Variants in ADAM19 observed in about 807,000 individuals in gnomAD.
ADAM19 encodes ADAM metallopeptidase domain 19.
A neutral mutation model predicts 114.7 loss-of-function variants in ADAM19; 65 were observed. The ratio of observed to expected loss-of-function variants is 0.57; its 90% confidence interval spans 0.46 to 0.70. ADAM19 has a LOEUF of 0.70. Ranked by LOEUF, ADAM19 falls within the 30% of genes least tolerant of loss-of-function variation. The probability of loss-of-function intolerance (pLI) is 0.00; values close to 1 mark genes in which losing one functional copy is unlikely to be tolerated. For synonymous variants in ADAM19, 466 were observed against 460.5 expected, an observed-to-expected ratio of 1.01 and a Z score of -0.15; for missense variants, 1,063 against 1,204.7, an observed-to-expected ratio of 0.88 and a Z score of 1.74.
chr5:157,560,896 G>A (rs932393308), intron 3 of ADAM19, among the ~76,000 whole-genome samples: 2 of 152,204 alleles, frequency 1.3e-5, no homozygotes, highest in Admixed American at 6.5e-5. Context: ...CTTGAGCTTG[G>A]AATACAAACA....
intron 5 of ADAM19, among the ~76,000 whole-genome samples, chr5:157,522,321 G>A (rs1756321117): frequency 6.9e-6 from 1 of 145,484 alleles, no homozygotes; most frequent in East Asian, 1.9e-4. Flanking sequence ...TTAAGTTCCA[G>A]GGTACATGTG....
intron 3 of ADAM19, among the ~76,000 whole-genome samples, chr5:157,547,143 G>A (rs1757071109): frequency 1.3e-5 from 2 of 152,322 alleles, no homozygotes; most frequent in South Asian, 2.1e-4. Flanking sequence ...GCATCCCCAT[G>A]ATGATCCTGC....
Position 157,509,408 on chromosome 5 carries a change from C to T in ADAM19, c.798G>A (p.Gly266=), listed in dbSNP as rs1179773854. 6.2e-7 allele frequency: 1 copy of T among 1,613,378 alleles called. No individual in the cohort carries two copies. Among genetic ancestry groups the T allele is most frequent in the African/African-American group, 1.3e-5 (1 of 75,054 alleles). The change falls in exon 9 of 23, where the codon GGG becomes GGA. Residue 266 remains glycine (G), a synonymous_variant. Coordinates refer to ENST00000257527, the MANE Select transcript of ADAM19 (RefSeq NM_033274.5). ...ALVGLEVWTH[G]NMCEVSENPY... is the part of the protein sequence containing the mutation. ...GATTCTCTGAAACTTCACACATGTTCCCGTGGGTCCACACTTCCAAGCCCA... is the reference window on the plus strand; with the variant it reads ...GATTCTCTGAAACTTCACACATGTTTCCGTGGGTCCACACTTCCAAGCCCA...
At chr5:157,538,658 T>C (rs1417448307) in intron 3 of ADAM19, among the ~76,000 whole-genome samples, 3 of 152,252 alleles carry the variant, frequency 2.0e-5, no homozygotes, top group Non-Finnish European at 4.4e-5. Flanking sequence ...ACTCTTCCAA[T>C]AAATTCCTTT....
intron 5 of ADAM19, among the ~76,000 whole-genome samples, chr5:157,520,330 A>T (rs1396722655): frequency 6.6e-6 from 1 of 151,076 alleles, no homozygotes; most frequent in Non-Finnish European, 1.5e-5. Context: ...TCCAGGTTAA[A>T]AGTCTCTGGA....
chr5:157,549,991 C>T (rs901483348), intron 3 of ADAM19, among the ~76,000 whole-genome samples: 4 of 152,148 alleles, frequency 2.6e-5, no homozygotes, highest in Non-Finnish European at 5.9e-5. Context: ...AGTAGCCAGT[C>T]AAAAAGACCA....
chr5:157,566,484 T>A (rs1429230006), intron 2 of ADAM19: 1 of 152,082 alleles, frequency 6.6e-6, no homozygotes, highest in African/African-American at 2.4e-5. Context: ...TTAATCTCTT[T>A]TTACTTTATT....
intron 12 of ADAM19, 47 bp downstream of exon 12, chr5:157,502,756 C>T: frequency 6.3e-7 from 1 of 1,591,754 alleles, no homozygotes; most frequent in Non-Finnish European, 8.6e-7. Context: ...AGTTTTGAAA[C>T]CAATGCAAAT....
intron 12 of ADAM19, among the ~76,000 whole-genome samples, chr5:157,500,341 C>T (rs1283842536): frequency 2.0e-5 from 3 of 152,176 alleles, no homozygotes; most frequent in Non-Finnish European, 4.4e-5. Context: ...TTTTTCAAGG[C>T]ATTTTCTACA....
At chr5:157,516,944 A>G (rs1283078549) in intron 7 of ADAM19, among the ~76,000 whole-genome samples, 1 of 151,968 alleles carries the variant, frequency 6.6e-6, no homozygotes, top group African/African-American at 2.4e-5. Flanking sequence ...GAACACACAC[A>G]CACACACACA....
intron 21 of ADAM19, among the ~76,000 whole-genome samples, chr5:157,484,462 G>A (rs568183494): frequency 1.3e-5 from 2 of 152,266 alleles, no homozygotes; most frequent in East Asian, 3.9e-4. Context: ...AGCTGTTGGG[G>A]TTTAAGGGGA....
chr5:157,558,775 AG>A (rs1271997600), intron 3 of ADAM19, among the ~76,000 whole-genome samples: 3 of 152,250 alleles, frequency 2.0e-5, no homozygotes, highest in Non-Finnish European at 4.4e-5. Flanking sequence ...TTGAAAAAGA[AG>A]TGCAGGAATA....
chr5:157,480,480 A>C lies in ADAM19; in HGVS notation c.*469T>G, dbSNP rs1754711618. 1 of 991,392 alleles carries C rather than the reference A, an allele frequency of 1.0e-6. No homozygotes were observed. The highest frequency in any genetic ancestry group is 1.1e-4 in the East Asian group (1 of 8,974). The allele number at this position is 991,392 out of a possible 1,614,324, so 61.4% of individuals were successfully genotyped here. A position where few individuals can be genotyped will look rare whatever the true frequency, so the allele number is the denominator to read the frequency against. ...CCCTTCCTTAATCCCTAAAAGCTAA[A>C]AGGGGTGGGTAAGTACCAGCCTCCA... On this transcript the variant is annotated 3_prime_UTR_variant, in exon 23 of 23. Transcript: ENST00000257527.
intron 5 of ADAM19, among the ~76,000 whole-genome samples, chr5:157,529,691 C>G (rs1756571524): frequency 6.6e-6 from 1 of 152,164 alleles, no homozygotes; most frequent in Non-Finnish European, 1.5e-5. Context: ...CTGCAAGTTC[C>G]TAGGTAAGAT....
chr5:157,523,850 T>C (rs1336142616), intron 5 of ADAM19, among the ~76,000 whole-genome samples: 1 of 152,226 alleles, frequency 6.6e-6, no homozygotes, highest in African/African-American at 2.4e-5. Flanking sequence ...CCACCCTCTG[T>C]AGCAGGCACC....
intron 13 of ADAM19, among the ~76,000 whole-genome samples, chr5:157,498,783 G>T (rs1219372096): frequency 6.6e-6 from 1 of 151,410 alleles, no homozygotes; most frequent in Non-Finnish European, 1.5e-5. Flanking sequence ...AGCAAGGCTG[G>T]GGATAACACC....
At chr5:157,503,693 C>A (rs1755641993) in intron 11 of ADAM19, among the ~76,000 whole-genome samples, 2 of 152,124 alleles carry the variant, frequency 1.3e-5, no homozygotes, top group Non-Finnish European at 2.9e-5. Context: ...AAGAAAACAC[C>A]AGCCAACCTA....
chr5:157,526,166 A>G (rs1366568993), intron 5 of ADAM19, among the ~76,000 whole-genome samples: 1 of 147,972 alleles, frequency 6.8e-6, no homozygotes, highest in African/African-American at 2.6e-5. Flanking sequence ...ATACATATAT[A>G]TATATATACA....
chr5:157,545,449 A>C (rs1285987436), intron 3 of ADAM19, among the ~76,000 whole-genome samples: 1 of 152,192 alleles, frequency 6.6e-6, no homozygotes, highest in Non-Finnish European at 1.5e-5. Flanking sequence ...ATAGTACATG[A>C]AGGGACCGTC....
Sources: gnomAD v4.1 joint callset for allele counts (sites outside exome capture counted in the v4.1 genomes callset) on GRCh38, gnomAD v4.1.1 for gene constraint, MANE v1.5 for transcripts, NCBI Gene and HGNC (gene_info 2026-07-23, HGNC 2026-07-21) for gene names.